EYA4: variants seen among roughly 807,000 people sequenced by gnomAD.
EYA4 encodes the protein protein phosphatase EYA4.
Under a neutral mutation model 87.9 loss-of-function variants are expected in EYA4, and 31 were observed. That is an observed-to-expected ratio of 0.35 (90% confidence interval 0.27 to 0.48). The LOEUF is 0.48. Ranked by LOEUF, EYA4 falls within the 20% of genes least tolerant of loss-of-function variation. The pLI, the probability that EYA4 is intolerant of heterozygous loss-of-function variation, is 0.99. For missense variants in EYA4, 678 were observed against 761.4 expected, an observed-to-expected ratio of 0.89 and a Z score of 1.29; for synonymous variants, 263 against 270.6, an observed-to-expected ratio of 0.97 and a Z score of 0.28.
chr6:133,405,610 C>T (rs1788635249), intron 3 of EYA4, among the ~76,000 whole-genome samples: 1 of 152,048 alleles, frequency 6.6e-6, no homozygotes, highest in African/African-American at 2.4e-5. Flanking sequence ...AATTATGTTC[C>T]AGGCACAATT....
At chr6:133,368,656 C>T (rs1307409577) in intron 2 of EYA4, among the ~76,000 whole-genome samples, 4 of 152,232 alleles carry the variant, frequency 2.6e-5, no homozygotes, top group Admixed American at 6.5e-5. Flanking sequence ...GGATCTCTGG[C>T]GCTCTAAAAT....
In EYA4 at chr6:133,530,267, T is replaced by C; in HGVS notation, c.*1462T>C. On this transcript the variant is annotated 3_prime_UTR_variant, in exon 20 of 20. Transcript: ENST00000355286. ...AGACTTGCATATGTTTGTTAGTTTCTGCCTGTATTGTCACTGCGCAACGGA... is the reference window on the plus strand; with the variant it reads ...AGACTTGCATATGTTTGTTAGTTTCCGCCTGTATTGTCACTGCGCAACGGA... 1 of 985,406 alleles carries C rather than the reference T, an allele frequency of 1.0e-6. No homozygotes were observed. The highest frequency in any genetic ancestry group is 1.2e-6 in the Non-Finnish European group (1 of 829,894). The allele number at this position is 985,406 out of a possible 1,614,324, so 61.0% of individuals were successfully genotyped here.
chr6:133,462,709 C>T lies in EYA4; in HGVS notation c.669C>T (p.Ser223=), dbSNP rs1583346561. Residue 223 remains serine (S), a synonymous_variant, in exon 9 of 20, where the codon AGC becomes AGT. Transcript: ENST00000355286. The part of the protein sequence containing the change: ...SPLQSGCLSY[S]PGFSTPQPGQ... ...TACAGAGTGGCTGCCTCAGTTACAG[C>T]CCAGGGTTCTCTACCCCACAGCCAG... 1 of 1,613,830 alleles carries T rather than the reference C, an allele frequency of 6.2e-7. No individual in the cohort carries two copies. Among genetic ancestry groups the T allele is most frequent in the Non-Finnish European group, 8.5e-7 (1 of 1,179,844 alleles).
intron 2 of EYA4, among the ~76,000 whole-genome samples, chr6:133,293,175 T>G (rs193180199): frequency 6.6e-6 from 1 of 152,206 alleles, no homozygotes; most frequent in Non-Finnish European, 1.5e-5. Flanking sequence ...GAAATTTAGC[T>G]GTCTTTGTTA....
chr6:133,520,054 G>A (rs866324800), intron 17 of EYA4, among the ~76,000 whole-genome samples: 24 of 151,142 alleles, frequency 1.6e-4, no homozygotes, highest in South Asian at 6.3e-4. Flanking sequence ...AACTGGAAGC[G>A]TTCCCTTTGA....
At chr6:133,307,178 C>T (rs995650067) in intron 2 of EYA4, among the ~76,000 whole-genome samples, 1 of 152,208 alleles carries the variant, frequency 6.6e-6, no homozygotes, top group African/African-American at 2.4e-5. Context: ...CATCCTGAAT[C>T]GTTTCTTCCA....
chr6:133,443,723 C>T (rs1792531624), intron 3 of EYA4, among the ~76,000 whole-genome samples: 1 of 152,006 alleles, frequency 6.6e-6, no homozygotes, highest in Non-Finnish European at 1.5e-5. Flanking sequence ...TTTTCATTAT[C>T]ATTTTGTTCT....
At chr6:133,436,176 G>T (rs1179440602) in intron 3 of EYA4, among the ~76,000 whole-genome samples, 1 of 151,800 alleles carries the variant, frequency 6.6e-6, no homozygotes, top group African/African-American at 2.4e-5. Context: ...CCAAGATCGT[G>T]CCGTTGCACT....
chr6:133,383,999 G>T (rs1786484245), intron 3 of EYA4, among the ~76,000 whole-genome samples: 1 of 152,058 alleles, frequency 6.6e-6, no homozygotes, highest in Admixed American at 6.5e-5. Context: ...GATAATTTTT[G>T]CAAGCAGCTG....
intron 2 of EYA4, among the ~76,000 whole-genome samples, chr6:133,378,474 G>A (rs944758348): frequency 2.0e-5 from 3 of 152,000 alleles, no homozygotes; most frequent in Admixed American, 6.6e-5. Flanking sequence ...ATATTAAGAC[G>A]TTTTGATCTT....
At chr6:133,507,807 G>T (rs1446083663) in intron 14 of EYA4, among the ~76,000 whole-genome samples, 1 of 152,058 alleles carries the variant, frequency 6.6e-6, no homozygotes, top group African/African-American at 2.4e-5. Flanking sequence ...CCAAGTCTTT[G>T]CTATTGAACA....
intron 10 of EYA4, 71 bp downstream of exon 10, chr6:133,464,929 A>G: frequency 1.1e-6 from 1 of 896,366 alleles, no homozygotes; most frequent in South Asian, 1.4e-5. Context: ...TCAGGTTGCC[A>G]TATATGTGCA....
intron 3 of EYA4, among the ~76,000 whole-genome samples, chr6:133,389,300 GA>G (rs1460390062): frequency 6.6e-6 from 1 of 152,126 alleles, no homozygotes; most frequent in Non-Finnish European, 1.5e-5. Flanking sequence ...GTGCTTTAAG[GA>G]AGCCTTCCCT....
At position 133,394,605 on chromosome 6, in the gene EYA4, A is replaced by G. The variant is rs368191788; in HGVS notation, c.83+12164A>G. On this transcript the variant is annotated intron_variant, in intron 3 of 19. Coordinates refer to ENST00000355286, the MANE Select transcript of EYA4 (RefSeq NM_004100.5). ...AGCCTATGACAAATCTAGGCTTCATAGAGGTATCTCTGAGATGTTGTCTCA... is the reference window on the plus strand; with the variant it reads ...AGCCTATGACAAATCTAGGCTTCATGGAGGTATCTCTGAGATGTTGTCTCA... Among the ~76,000 whole-genome samples, 39 of 152,180 alleles carry G rather than the reference A, an allele frequency of 2.6e-4. No homozygotes were observed. The South Asian group carries it at 8.1e-3, about 32-fold the overall frequency.
In EYA4 at chr6:133,481,495, C is replaced by A. The variant is rs1476872136; in HGVS notation, c.1003C>A (p.Pro335Thr). Reference protein sequence around the residue: ...EFDTMQSPSTPIKDLDERTCR... With the variant: ...EFDTMQSPSTTIKDLDERTCR... ...CGATACCATGCAGAGTCCCTCCACA[C>A]CCATCAAAGATCTTGATGAGAGAAC... The change falls in exon 12 of 20, where the codon CCC becomes ACC. Residue 335 changes from proline (P) to threonine (T), a missense_variant. Physicochemically the swap from Pro to Thr is conservative, Grantham distance 38 (BLOSUM62 -1). Coordinates refer to ENST00000355286, the MANE Select transcript of EYA4 (RefSeq NM_004100.5). The A allele has an allele frequency of 6.2e-7, 1 of 1,613,880 alleles. No individual in the cohort carries two copies. The highest frequency in any genetic ancestry group is 1.3e-5 in the African/African-American group (1 of 75,014).
intron 2 of EYA4, among the ~76,000 whole-genome samples, chr6:133,379,589 C>T (rs1785998466): frequency 6.6e-6 from 1 of 152,096 alleles, no homozygotes; most frequent in South Asian, 2.1e-4. Context: ...GTTAACACTT[C>T]AATCAATTAC....
At chr6:133,493,338 A>C (rs542958930) in intron 13 of EYA4, among the ~76,000 whole-genome samples, 1 of 152,320 alleles carries the variant, frequency 6.6e-6, no homozygotes, top group South Asian at 2.1e-4. Flanking sequence ...AAGCACATAC[A>C]TTGGGGAGAG....
At chr6:133,481,660 CTCTA>C (rs1331090353) in intron 12 of EYA4, 61 bp downstream of exon 12, 1 of 1,540,352 alleles carries the variant, frequency 6.5e-7, no homozygotes, top group Non-Finnish European at 9.0e-7. Context: ...ATGATACATT[CTCTA>C]TCTTACAGTT....
intron 13 of EYA4, among the ~76,000 whole-genome samples, chr6:133,484,493 T>C (rs1442489462): frequency 6.6e-6 from 1 of 152,228 alleles, no homozygotes; most frequent in Non-Finnish European, 1.5e-5. Context: ...TAAACAGATG[T>C]GAAGGTAATA....
Sources: gnomAD v4.1 joint callset for allele counts (sites outside exome capture counted in the v4.1 genomes callset) on GRCh38, gnomAD v4.1.1 for gene constraint, MANE v1.5 for transcripts, NCBI Gene and HGNC (gene_info 2026-07-23, HGNC 2026-07-21) for gene names.